Variants in E2F4 observed in about 807,000 individuals in gnomAD.
E2F4 encodes the protein transcription factor E2F4.
A neutral mutation model predicts 44.5 loss-of-function variants in E2F4; 16 were observed. That is an observed-to-expected ratio of 0.36 (90% confidence interval 0.24 to 0.55). E2F4 has a LOEUF of 0.55. Ranked by LOEUF, E2F4 falls within the 20% of genes least tolerant of loss-of-function variation. The pLI is 0.87. For missense variants in E2F4, 473 were observed against 522.1 expected (o/e 0.91, Z 0.92); for synonymous variants, 242 against 207.2 (o/e 1.17, Z -1.44).
chr16:67,192,263 G>T lies in E2F4; in HGVS notation c.36G>T (p.Pro12=), dbSNP rs372337777. 540 of 1,294,262 alleles carry T rather than the reference G, an allele frequency of 4.2e-4. 1 individual carries two copies. The highest frequency in any genetic ancestry group is 9.8e-4 in the Admixed American group (25 of 25,514). 80.2% of individuals were successfully genotyped at this position (1,294,262 alleles called of 1,614,324 possible). ...CCGGGCCACAGGCGCCGCCGCCCCC[G>T]GGCACTCCAAGCCGGCACGAAAAGA... is the stretch of plus-strand genomic sequence containing the variant. ...AEAGPQAPPP[P]GTPSRHEKSL... The change falls in exon 1 of 10, where the codon CCG becomes CCT. Residue 12 remains proline, a synonymous_variant. Coordinates refer to ENST00000379378, the MANE Select transcript of E2F4 (RefSeq NM_001950.4).
chr16:67,194,229 C>T lies in E2F4; in HGVS notation c.452-169C>T, dbSNP rs182740246. 3.3e-4 allele frequency: 219 copies of T among 663,652 alleles called. 1 individual carries two copies. The East Asian group carries it at 5.2e-3, about 16-fold the overall frequency. 41.1% of individuals were successfully genotyped at this position (663,652 alleles called of 1,614,324 possible). On this transcript the variant is annotated intron_variant, in intron 4 of 9. Transcript: ENST00000379378. ...TTCCTGGTTACTGACCCTGGGCTCTCAGGAAGAGAAGAGCTTTAGCTCTGC... is the reference window on the plus strand; with the variant it reads ...TTCCTGGTTACTGACCCTGGGCTCTTAGGAAGAGAAGAGCTTTAGCTCTGC...
chr16:67,194,863 C>T lies in E2F4; in HGVS notation c.691C>T (p.Pro231Ser), dbSNP rs1241068157. The change falls in exon 6 of 10, where the codon CCT becomes TCT. Residue 231 changes from proline to serine, a missense_variant. Pro to Ser is a moderately conservative substitution (Grantham distance 74). This residue lies in a region of E2F4 where 314 missense variants were observed against 315.6 expected (regional missense o/e 0.99). Coordinates refer to ENST00000379378, the MANE Select transcript of E2F4 (RefSeq NM_001950.4). Reference sequence around the variant, plus strand: ...TTCTACACCTCCACCTCTGCCCAAGCCTGCCCTAGCCCAGTCCCAGGAAGC... The same window carrying T: ...TTCTACACCTCCACCTCTGCCCAAGTCTGCCCTAGCCCAGTCCCAGGAAGC... ...AVSTPPPLPK[P>S]ALAQSQEASR... 1 of 1,614,190 alleles carries T rather than the reference C, an allele frequency of 6.2e-7. No individual in the cohort carries two copies. The highest frequency in any genetic ancestry group is 1.1e-5 in the South Asian group (1 of 91,084).
intron 7 of E2F4, 35 bp downstream of exon 7, chr16:67,196,041 G>C (rs1156381401): frequency 6.2e-7 from 1 of 1,611,888 alleles, no homozygotes; most frequent in Non-Finnish European, 8.5e-7. Flanking sequence ...GAGAGAGAGA[G>C]TCTAGCCTCA....
intron 5 of E2F4, 40 bp from the exon 6 acceptor site, chr16:67,194,646 C>G: frequency 6.3e-7 from 1 of 1,597,338 alleles, no homozygotes. Context: ...AGCCTGCTTA[C>G]AATTCTACCC....
intron 6 of E2F4, 84 bp from the exon 7 acceptor site, chr16:67,195,698 C>A: frequency 6.3e-7 from 1 of 1,585,996 alleles, no homozygotes; most frequent in Non-Finnish European, 8.6e-7. Flanking sequence ...GCTTGTGGTC[C>A]TCCTGTGTCT....
chr16:67,195,853 C>A lies in E2F4; in HGVS notation c.880C>A (p.Leu294Met), dbSNP rs1468161808. Residue 294 changes from leucine (L) to methionine (M), a missense_variant, in exon 7 of 10, where the codon CTG becomes ATG. Around this residue, in one of 3 missense-constraint regions of E2F4, gnomAD observed 314 missense variants for 315.6 expected, o/e 0.99. Transcript: ENST00000379378. The stretch of plus-strand genomic sequence containing the variant: ...TTCACTCCCACTGGGCCCAACAACA[C>A]TGGACACCCGGCCACTGCAGTCTTC... ...LSSLPLGPTT[L>M]DTRPLQSSAL... 6.2e-7 allele frequency: 1 copy of A among 1,614,148 alleles called. No homozygotes were observed. The highest frequency in any genetic ancestry group is 8.5e-7 in the Non-Finnish European group (1 of 1,180,012).
At position 67,198,888 on chromosome 16, in the gene E2F4, T is replaced by C. The variant is rs1250452632; in HGVS notation, c.*765T>C. On this transcript the variant is annotated 3_prime_UTR_variant, in exon 10 of 10. Coordinates refer to ENST00000379378, the MANE Select transcript of E2F4 (RefSeq NM_001950.4). The stretch of plus-strand genomic sequence containing the variant: ...AGGAAATTGTAATATTTGTACAGTG[T>C]TCAAGTGAATAAAAACCATGCCTAA... 1.9e-6 allele frequency: 1 copy of C among 535,888 alleles called. No individual in the cohort carries two copies. The highest frequency in any genetic ancestry group is 3.3e-6 in the Non-Finnish European group (1 of 300,854). 33.2% of individuals were successfully genotyped at this position (535,888 alleles called of 1,614,324 possible). A position where few individuals can be genotyped will look rare whatever the true frequency, so the allele number is the denominator to read the frequency against.
At position 67,194,938 on chromosome 16, in the gene E2F4, G is replaced by A. The variant is rs1212423214; in HGVS notation, c.766G>A (p.Ala256Thr). 1.9e-6 allele frequency: 3 copies of A among 1,614,130 alleles called. No individual in the cohort carries two copies. The highest frequency in any genetic ancestry group is 1.7e-6 in the Non-Finnish European group (2 of 1,179,996). Residue 256 changes from alanine to threonine, a missense_variant, in exon 6 of 10, where the codon GCA becomes ACA. Physicochemically the swap from Ala to Thr is moderately conservative, Grantham distance 58. Around this residue, in one of 3 missense-constraint regions of E2F4, gnomAD observed 314 missense variants for 315.6 expected, o/e 0.99. Transcript: ENST00000379378. ...QLTPTAVPGSAEVQGMAGPAA... is the reference protein window; with the variant it reads ...QLTPTAVPGSTEVQGMAGPAA... ...CACTCCCACTGCTGTCCCTGGCAGT[G>A]CAGAAGTCCAGGGAATGGCTGGCCC...
In E2F4 at chr16:67,194,782, CCT is replaced by C; in HGVS notation, c.611_612del (p.Pro204ArgfsTer9). On this transcript the variant is annotated frameshift_variant, in exon 6 of 10. Coordinates refer to ENST00000379378, the MANE Select transcript of E2F4 (RefSeq NM_001950.4). LOFTEE classifies it high-confidence loss of function. ...LVNKEAWSSP[P>X]VAVPVPPPED... ...GAACAAGGAGGCATGGAGCTCACCC[CCT>C]GTGGCTGTGCCTGTGCCACCACCTG... 6.2e-7 allele frequency: 1 copy of C among 1,614,170 alleles called. No individual in the cohort carries two copies.
chr16:67,198,089 G>C lies in E2F4; in HGVS notation c.1208G>C (p.Cys403Ser). Reference protein sequence around the residue: ...IYNLDESEGVCDLFDVPVLNL With the variant: ...IYNLDESEGVSDLFDVPVLNL ...AACCTGGACGAGAGTGAAGGTGTCT[G>C]TGACCTCTTTGATGTGCCTGTTCTC... The change falls in exon 10 of 10, where the codon TGT (cysteine) becomes TCT (serine). Residue 403 changes from cysteine (C) to serine (S), a missense_variant. By Grantham distance (112) the Cys-to-Ser change is moderately radical (BLOSUM62 -1). Coordinates refer to ENST00000379378, the MANE Select transcript of E2F4 (RefSeq NM_001950.4). The C allele has an allele frequency of 6.2e-7, 1 of 1,613,980 alleles. No homozygotes were observed. The highest frequency in any genetic ancestry group is 8.5e-7 in the Non-Finnish European group (1 of 1,179,996).
chr16:67,193,925 TC>T lies in E2F4; in HGVS notation c.451+411del, dbSNP rs2032927799. 3 of 250,026 alleles carry T rather than the reference TC, an allele frequency of 1.2e-5. No individual in the cohort carries two copies. In the South Asian group the frequency reaches 2.1e-4, roughly 17 times the overall value. 15.5% of individuals were successfully genotyped at this position (250,026 alleles called of 1,614,324 possible). A position where few individuals can be genotyped will look rare whatever the true frequency, so the allele number is the denominator to read the frequency against. The stretch of plus-strand genomic sequence containing the variant: ...AATACAGGATCTGTTCCTTTTTTTT[TC>T]TTTTTAAGAGATGGGCTCTTGCTGT... On this transcript the variant is annotated intron_variant, in intron 4 of 9. Transcript: ENST00000379378.
At position 67,192,239 on chromosome 16, in the gene E2F4, C is replaced by T. The variant is rs143184493; in HGVS notation, c.12C>T (p.Ala4=). Residue 4 remains alanine (A), a synonymous_variant, in exon 1 of 10, where the codon GCC becomes GCT. Coordinates refer to ENST00000379378, the MANE Select transcript of E2F4 (RefSeq NM_001950.4). MAE[A]GPQAPPPPGT... is the part of the protein sequence containing the mutation. ...GGCGGGCGGGCGCGATGGCGGAGGC[C>T]GGGCCACAGGCGCCGCCGCCCCCGG... is the stretch of plus-strand genomic sequence containing the variant. 5.2e-6 allele frequency: 6 copies of T among 1,154,458 alleles called. No homozygotes were observed. The highest frequency in any genetic ancestry group is 3.3e-5 in the South Asian group (1 of 29,932). 71.5% of individuals were successfully genotyped at this position (1,154,458 alleles called of 1,614,324 possible).
rs766245224 is a variant in E2F4 at position 67,197,583 on chromosome 16, C to A, written c.1034-16C>A. On this transcript the variant is annotated splice_polypyrimidine_tract_variant and intron_variant, in intron 7 of 9. Coordinates refer to ENST00000379378, the MANE Select transcript of E2F4 (RefSeq NM_001950.4). Reference sequence around the variant, plus strand: ...CTGGACCTCTGTGCCCTGAGCATGGCTTTCTTGTTTTTCAGTTTTGGAACT... The same window carrying A: ...CTGGACCTCTGTGCCCTGAGCATGGATTTCTTGTTTTTCAGTTTTGGAACT... The A allele has an allele frequency of 6.2e-7, 1 of 1,614,076 alleles. No individual in the cohort carries two copies. Among genetic ancestry groups the A allele is most frequent in the Admixed American group, 1.7e-5 (1 of 60,020 alleles).
chr16:67,192,636 C>T (rs1293338476), intron 1 of E2F4, 125 bp from the exon 2 acceptor site: 2 of 1,010,842 alleles, frequency 2.0e-6, no homozygotes, highest in East Asian at 2.6e-5. Context: ...CGGTCCTGAG[C>T]TGCAGTAGCG....
chr16:67,194,962 C>G lies in E2F4; in HGVS notation c.790C>G (p.Pro264Ala), dbSNP rs756259717. Residue 264 changes from proline to alanine, a missense_variant, in exon 6 of 10, where the codon CCA becomes GCA. By Grantham distance (27) the Pro-to-Ala change is conservative. Around this residue, in one of 3 missense-constraint regions of E2F4, gnomAD observed 314 missense variants for 315.6 expected, o/e 0.99. Coordinates refer to ENST00000379378, the MANE Select transcript of E2F4 (RefSeq NM_001950.4). ...TGCAGAAGTCCAGGGAATGGCTGGC[C>G]CAGCAGCTGAGATCACAGGTGAGGC... Reference protein sequence around the residue: ...GSAEVQGMAGPAAEITVSGGP... With the variant: ...GSAEVQGMAGAAAEITVSGGP... 6.2e-7 allele frequency: 1 copy of G among 1,613,532 alleles called. No homozygotes were observed. The highest frequency in any genetic ancestry group is 1.1e-5 in the South Asian group (1 of 91,064).
chr16:67,193,141 G>A lies in E2F4; in HGVS notation c.378G>A (p.Arg126=). 6.4e-7 allele frequency: 1 copy of A among 1,573,062 alleles called. No homozygotes were observed. Residue 126 remains arginine, a synonymous_variant, in exon 3 of 10, where the codon CGG becomes CGA. Coordinates refer to ENST00000379378, the MANE Select transcript of E2F4 (RefSeq NM_001950.4). The part of the protein sequence containing the change: ...QHKVWVQQSI[R]NVTEDVQNSC... ...AGGTGTGGGTGCAGCAGAGCATCCGGAACGTCACAGAGGACGTGCAGAACA... is the reference window on the plus strand; with the variant it reads ...AGGTGTGGGTGCAGCAGAGCATCCGAAACGTCACAGAGGACGTGCAGAACA...
chr16:67,192,714 G>A, intron 1 of E2F4, 47 bp from the exon 2 acceptor site: 2 of 1,549,364 alleles, frequency 1.3e-6, no homozygotes, highest in Non-Finnish European at 1.8e-6. Flanking sequence ...GGGTGGCTGG[G>A]GGTACACCCC....
chr16:67,192,942 A>G lies in E2F4; in HGVS notation c.246-67A>G. 9 of 1,563,542 alleles carry G rather than the reference A, an allele frequency of 5.8e-6. No homozygotes were observed. In the South Asian group the frequency reaches 1.0e-4, roughly 18 times the overall value. On this transcript the variant is annotated intron_variant, in intron 2 of 9. Coordinates refer to ENST00000379378, the MANE Select transcript of E2F4 (RefSeq NM_001950.4). ...GTCGGGCGTGGGGTGGAGGGTGCCG[A>G]AGAAGGCAGGGGCCATGGGACCCAG... is the stretch of plus-strand genomic sequence containing the variant.
chr16:67,198,095 T>C lies in E2F4; in HGVS notation c.1214T>C (p.Leu405Pro). The C allele has an allele frequency of 6.2e-7, 1 of 1,613,910 alleles. No individual in the cohort carries two copies. The change falls in exon 10 of 10, where the codon CTC (leucine) becomes CCC (proline). Residue 405 changes from leucine (L) to proline (P), a missense_variant. Physicochemically the swap from Leu to Pro is moderately conservative, Grantham distance 98. This residue lies in a region of E2F4 where 314 missense variants were observed against 315.6 expected (regional missense o/e 0.99). Transcript: ENST00000379378. ...GACGAGAGTGAAGGTGTCTGTGACCTCTTTGATGTGCCTGTTCTCAACCTC... is the reference window on the plus strand; with the variant it reads ...GACGAGAGTGAAGGTGTCTGTGACCCCTTTGATGTGCCTGTTCTCAACCTC... ...NLDESEGVCD[L>P]FDVPVLNL
Sources: allele counts gnomAD v4.1 joint callset, GRCh38; gene constraint gnomAD v4.1.1; regional missense constraint gnomAD v4.1.1; transcripts MANE v1.5; gene names NCBI Gene and HGNC (gene_info 2026-07-23, HGNC 2026-07-21).